JAM3: variants seen among roughly 807,000 people sequenced by gnomAD.
JAM3 encodes the protein junctional adhesion molecule 3, also known as junctional adhesion molecule C.
A neutral mutation model predicts 39.4 loss-of-function variants in JAM3; 31 were observed. That is an observed-to-expected ratio of 0.79 (90% CI 0.59 to 1.06). The LOEUF (loss-of-function observed/expected upper bound fraction) is 1.06, where lower values mean the gene tolerates loss of function less well. Ranked by LOEUF, JAM3 falls within the 50% of genes least tolerant of loss-of-function variation. JAM3 has a pLI of 0.00. For missense variants in JAM3, 455 were observed against 391.4 expected, an observed-to-expected ratio of 1.16 and a Z score of -1.37; for synonymous variants, 182 against 148.7, an observed-to-expected ratio of 1.22 and a Z score of -1.63.
At chr11:134,131,514 A>T (rs1450922550) in intron 1 of JAM3, among the ~76,000 whole-genome samples, 1 of 146,364 alleles carries the variant, frequency 6.8e-6, no homozygotes, top group Non-Finnish European at 1.5e-5. Context: ...AACAGCATCA[A>T]CAACAACAAC....
In JAM3 at chr11:134,070,310, G is replaced by C. The variant is rs560602770; in HGVS notation, c.76+1151G>C. The C allele has an allele frequency of 7.0e-6, 3 of 429,274 alleles. No homozygotes were observed. In the Admixed American group the frequency reaches 8.4e-5, roughly 12 times the overall value. The allele number at this position is 429,274 out of a possible 1,614,324, so 26.6% of individuals were successfully genotyped here. A position where few individuals can be genotyped will look rare whatever the true frequency, so the allele number is the denominator to read the frequency against. ...AGACCAGGACCTTTTTCGGTTCTTA[G>C]ATTATTTTATTGTTTGAATTGCCAC... On this transcript the variant is annotated intron_variant, in intron 1 of 8. Transcript: ENST00000299106.
At chr11:134,113,089 G>A (rs1276219697) in intron 1 of JAM3, among the ~76,000 whole-genome samples, 1 of 152,098 alleles carries the variant, frequency 6.6e-6, no homozygotes, top group African/African-American at 2.4e-5. Context: ...ACCTAGCATG[G>A]TAACTGGCAT....
At chr11:134,130,599 G>A (rs1942751806) in intron 1 of JAM3, among the ~76,000 whole-genome samples, 1 of 152,154 alleles carries the variant, frequency 6.6e-6, no homozygotes, top group South Asian at 2.1e-4. Flanking sequence ...GTCAAACGAA[G>A]ATTATAGCAA....
At chr11:134,114,361 T>C (rs1320487424) in intron 1 of JAM3, among the ~76,000 whole-genome samples, 3 of 152,230 alleles carry the variant, frequency 2.0e-5, no homozygotes, top group African/African-American at 7.2e-5. Context: ...AATTTTTGTA[T>C]AAGGTGTGAG....
intron 1 of JAM3, among the ~76,000 whole-genome samples, chr11:134,075,459 A>G (rs1382046314): frequency 6.6e-6 from 1 of 152,200 alleles, no homozygotes; most frequent in African/African-American, 2.4e-5. Context: ...ACTGAAAACT[A>G]TGTGATAAGC....
At chr11:134,082,121 A>G (rs1941675720) in intron 1 of JAM3, among the ~76,000 whole-genome samples, 1 of 152,198 alleles carries the variant, frequency 6.6e-6, no homozygotes, top group Non-Finnish European at 1.5e-5. Flanking sequence ...TCGGACTTGC[A>G]TGGGGCCTAT....
At chr11:134,107,481 A>C (rs1423342084) in intron 1 of JAM3, among the ~76,000 whole-genome samples, 1 of 152,114 alleles carries the variant, frequency 6.6e-6, no homozygotes, top group Admixed American at 6.6e-5. Flanking sequence ...TAAAGTATAA[A>C]AAATATATAT....
Position 134,150,485 on chromosome 11 carries a change from G to A in JAM3, c.*1304G>A, listed in dbSNP as rs1378033583. On this transcript the variant is annotated 3_prime_UTR_variant, in exon 9 of 9. Coordinates refer to ENST00000299106, the MANE Select transcript of JAM3 (RefSeq NM_032801.5). ...GCCCTGGCAGTGGCTGTGTCCCAGTGAGCTTTACTCACGTGGCCCTTGCTT... is the reference window on the plus strand; with the variant it reads ...GCCCTGGCAGTGGCTGTGTCCCAGTAAGCTTTACTCACGTGGCCCTTGCTT... The A allele has an allele frequency of 6.6e-6, 1 of 152,222 alleles. No homozygotes were observed. The highest frequency in any genetic ancestry group is 1.5e-5 in the Non-Finnish European group (1 of 68,040). 9.4% of individuals were successfully genotyped at this position (152,222 alleles called of 1,614,324 possible). A position where few individuals can be genotyped will look rare whatever the true frequency, so the allele number is the denominator to read the frequency against.
intron 1 of JAM3, among the ~76,000 whole-genome samples, chr11:134,102,648 C>A (rs1034800761): frequency 1.1e-4 from 17 of 152,092 alleles, no homozygotes; most frequent in African/African-American, 4.1e-4. Context: ...ACTAGAGTAA[C>A]CAGTGTAGAG....
intron 1 of JAM3, among the ~76,000 whole-genome samples, chr11:134,133,264 C>T (rs568542751): frequency 1.1e-4 from 16 of 152,284 alleles, no homozygotes; most frequent in African/African-American, 3.8e-4. Flanking sequence ...TACTTCCTTT[C>T]CAACTTCGAT....
intron 1 of JAM3, among the ~76,000 whole-genome samples, chr11:134,092,290 C>G (rs887779691): frequency 6.6e-6 from 1 of 152,024 alleles, no homozygotes; most frequent in Non-Finnish European, 1.5e-5. Flanking sequence ...CCTTATTCAT[C>G]ATGTTCCACC....
At chr11:134,138,745 A>G (rs912111246) in intron 1 of JAM3, among the ~76,000 whole-genome samples, 8 of 152,274 alleles carry the variant, frequency 5.3e-5, no homozygotes, top group African/African-American at 1.9e-4. Context: ...TTTAGGAACC[A>G]ATAGCAATTC....
At chr11:134,136,963 A>G (rs1942875992) in intron 1 of JAM3, among the ~76,000 whole-genome samples, 1 of 152,122 alleles carries the variant, frequency 6.6e-6, no homozygotes, top group Non-Finnish European at 1.5e-5. Context: ...AATACAAAAA[A>G]TTAGCCAGGC....
At chr11:134,122,465 A>T (rs758985445) in intron 1 of JAM3, among the ~76,000 whole-genome samples, 44 of 152,196 alleles carry the variant, frequency 2.9e-4, no homozygotes, top group Non-Finnish European at 5.4e-4. Context: ...CCTCTTCTGG[A>T]TCAGTCCACT....
At chr11:134,124,292 C>G in intron 1 of JAM3, 1 of 883,088 alleles carries the variant, frequency 1.1e-6, no homozygotes, top group Admixed American at 1.7e-5. Context: ...AACGCATGTT[C>G]TCACAGGAAA....
At chr11:134,098,534 C>T (rs1366690476) in intron 1 of JAM3, among the ~76,000 whole-genome samples, 5 of 152,196 alleles carry the variant, frequency 3.3e-5, no homozygotes, top group South Asian at 2.1e-4. Flanking sequence ...CCATTAGTGT[C>T]GGGGCAAGTA....
chr11:134,148,749 C>T lies in JAM3; in HGVS notation c.843-15C>T, dbSNP rs748589121. On this transcript the variant is annotated splice_polypyrimidine_tract_variant and intron_variant, in intron 7 of 8. Transcript: ENST00000299106. ...ATAACAACCCTGTTGCTAAACTGCT[C>T]TCTTCTCCTCATAGTTACAAGAACC... 3.7e-6 allele frequency: 6 copies of T among 1,614,102 alleles called. No homozygotes were observed. The highest frequency in any genetic ancestry group is 1.6e-4 in the Middle Eastern group (1 of 6,062).
At chr11:134,146,131 G>A (rs1213443041) in intron 6 of JAM3, 86 bp downstream of exon 6, 6 of 937,718 alleles carry the variant, frequency 6.4e-6, no homozygotes, top group Non-Finnish European at 8.5e-6. Context: ...TCAGCTTAGA[G>A]AACTCTTCCG....
intron 3 of JAM3, among the ~76,000 whole-genome samples, chr11:134,143,882 TATCTC>T (rs1943020379): frequency 6.6e-6 from 1 of 152,246 alleles, no homozygotes; most frequent in Non-Finnish European, 1.5e-5. Flanking sequence ...GATATCAAGT[TATCTC>T]AGCATCATTT....
Sources: gnomAD v4.1 joint callset for allele counts (sites outside exome capture counted in the v4.1 genomes callset) on GRCh38, gnomAD v4.1.1 for gene constraint, MANE v1.5 for transcripts, NCBI Gene and HGNC (gene_info 2026-07-23, HGNC 2026-07-21) for gene names.